Variants in SLC26A7 observed in about 807,000 individuals in gnomAD.
SLC26A7 encodes the protein solute carrier family 26 member 7, also known as anion exchange transporter.
Under a neutral mutation model 82.5 loss-of-function variants are expected in SLC26A7, and 59 were observed. That is an observed-to-expected ratio of 0.72 (90% CI 0.58 to 0.89). The LOEUF is 0.89. Among genes scored for constraint, SLC26A7 ranks in the 40% least tolerant of loss-of-function variants. The pLI, the probability that SLC26A7 is intolerant of heterozygous loss-of-function variation, is 0.00. For synonymous variants in SLC26A7, 271 were observed against 274.3 expected (o/e 0.99, Z 0.12); for missense variants, 820 against 793.0 (o/e 1.03, Z -0.41).
At chr8:91,275,688 G>T (rs76923634) in intron 2 of SLC26A7, among the ~76,000 whole-genome samples, 1,801 of 152,258 alleles carry the variant, frequency 0.012, 31 homozygotes, top group African/African-American at 0.042. Context: ...CATAAACTTT[G>T]GGGGAATTGC....
intron 15 of SLC26A7, among the ~76,000 whole-genome samples, chr8:91,384,552 A>C (rs1171463060): frequency 6.6e-6 from 1 of 152,116 alleles, no homozygotes; most frequent in East Asian, 1.9e-4. Context: ...TCTGTCCATC[A>C]CACAAGGTCT....
At chr8:91,295,477 T>C in intron 3 of SLC26A7, 54 bp from the exon 4 acceptor site, 4 of 1,560,396 alleles carry the variant, frequency 2.6e-6, no homozygotes, top group Middle Eastern at 3.5e-4. Flanking sequence ...CAATTTTTAT[T>C]GAGCCTTTAA....
At position 91,395,487 on chromosome 8, in the gene SLC26A7, T is replaced by G. The variant is rs1808543631; in HGVS notation, c.*390T>G. The G allele has an allele frequency of 5.5e-6, 1 of 182,590 alleles. No homozygotes were observed. The highest frequency in any genetic ancestry group is 1.1e-5 in the Non-Finnish European group (1 of 89,082). 11.3% of individuals were successfully genotyped at this position (182,590 alleles called of 1,614,324 possible). ...CATTTACAAGCCATTTGTAAAATTT[T>G]AAGATAATCTGTAACTAATACATAA... is the stretch of plus-strand genomic sequence containing the variant. On this transcript the variant is annotated 3_prime_UTR_variant, in exon 19 of 19. Coordinates refer to ENST00000276609, the MANE Select transcript of SLC26A7 (RefSeq NM_052832.4).
intron 2 of SLC26A7, among the ~76,000 whole-genome samples, chr8:91,275,452 T>C (rs1811383048): frequency 6.6e-6 from 1 of 152,016 alleles, no homozygotes; most frequent in African/African-American, 2.4e-5. Context: ...GCATGCATCT[T>C]TCACTGATTT....
upstream of SLC26A7, among the ~76,000 whole-genome samples, chr8:91,247,076 G>A (rs1455729630): frequency 3.9e-5 from 6 of 152,138 alleles, no homozygotes; most frequent in South Asian, 2.1e-4. Context: ...GGTGGGAAGG[G>A]GAGCAGAGAA....
intron 2 of SLC26A7, 38 bp from the exon 3 acceptor site, chr8:91,289,097 GT>G: frequency 7.6e-7 from 1 of 1,315,998 alleles, no homozygotes; most frequent in Non-Finnish European, 1.1e-6. Context: ...GTGTCTTGGG[GT>G]TATAAGGTGG....
chr8:91,272,380 A>G (rs1479632281), intron 2 of SLC26A7, among the ~76,000 whole-genome samples: 1 of 152,214 alleles, frequency 6.6e-6, no homozygotes, highest in African/African-American at 2.4e-5. Flanking sequence ...TGCAATCTAA[A>G]TGGACCCCTG....
At chr8:91,390,097 C>T (rs1171260021) in intron 16 of SLC26A7, among the ~76,000 whole-genome samples, 1 of 150,740 alleles carries the variant, frequency 6.6e-6, no homozygotes, top group Non-Finnish European at 1.5e-5. Context: ...GATTTTTTTA[C>T]CTCCCCACCC....
intron 15 of SLC26A7, among the ~76,000 whole-genome samples, chr8:91,382,085 T>C (rs1228118165): frequency 6.6e-6 from 1 of 152,158 alleles, no homozygotes; most frequent in African/African-American, 2.4e-5. Flanking sequence ...AGCCTCAGAA[T>C]CCTCTCAACA....
chr8:91,222,210 G>A (rs532454988), intron 2 of SLC26A7, among the ~76,000 whole-genome samples: 1 of 152,198 alleles, frequency 6.6e-6, no homozygotes, highest in African/African-American at 2.4e-5. Flanking sequence ...TGTGATTTTT[G>A]CACATTGATT....
intron 2 of SLC26A7, among the ~76,000 whole-genome samples, chr8:91,255,441 C>G (rs1223326610): frequency 6.6e-6 from 1 of 152,106 alleles, no homozygotes; most frequent in Non-Finnish European, 1.5e-5. Context: ...GGGAATGTTT[C>G]CCTGCATGGT....
rs1053992516 is a variant in SLC26A7 at position 91,271,746 on chromosome 8, C to A, written c.194-17390C>A. Among the ~76,000 whole-genome samples the A allele has an allele frequency of 2.6e-5, 4 of 152,194 alleles. No homozygotes were observed. In the East Asian group the frequency reaches 7.7e-4, roughly 29 times the overall value. ...AGTAGCTGGGACTACAGGCGCCTGC[C>A]ACCATGCCCGGCTAATTTTTTGTAT... On this transcript the variant is annotated intron_variant, in intron 2 of 18. Coordinates refer to ENST00000276609, the MANE Select transcript of SLC26A7 (RefSeq NM_052832.4).
intron 15 of SLC26A7, among the ~76,000 whole-genome samples, chr8:91,376,364 T>C (rs534207496): frequency 1.3e-4 from 20 of 152,344 alleles, no homozygotes; most frequent in African/African-American, 2.4e-4. Flanking sequence ...TATTTTTGAA[T>C]TTTATATAAT....
At chr8:91,220,578 A>G (rs1810144627) in intron 2 of SLC26A7, among the ~76,000 whole-genome samples, 1 of 151,826 alleles carries the variant, frequency 6.6e-6, no homozygotes, top group African/African-American at 2.4e-5. Context: ...TTCAACTCCC[A>G]CTTATGAGTG....
intron 2 of SLC26A7, among the ~76,000 whole-genome samples, chr8:91,250,498 G>A (rs1810629157): frequency 6.6e-6 from 1 of 152,078 alleles, no homozygotes. Flanking sequence ...GATTTAGATA[G>A]GTGTTTCTAT....
At chr8:91,392,195 C>A (rs1808422756) in intron 16 of SLC26A7, among the ~76,000 whole-genome samples, 1 of 152,130 alleles carries the variant, frequency 6.6e-6, no homozygotes, top group African/African-American at 2.4e-5. Context: ...AGTTTTGTAT[C>A]AGTTTGCCCT....
At chr8:91,264,678 T>TA (rs760503547) in intron 2 of SLC26A7, among the ~76,000 whole-genome samples, 5 of 152,042 alleles carry the variant, frequency 3.3e-5, no homozygotes, top group Non-Finnish European at 7.4e-5. Flanking sequence ...ATTGCTTCTT[T>TA]AAGAGTGTTT....
At chr8:91,234,728 C>G (rs1472460584) in intron 2 of SLC26A7, among the ~76,000 whole-genome samples, 2 of 151,914 alleles carry the variant, frequency 1.3e-5, no homozygotes, top group African/African-American at 4.8e-5. Context: ...GTCATTGTTG[C>G]AAAACAGTCA....
At chr8:91,225,760 G>A (rs994448593) in intron 2 of SLC26A7, among the ~76,000 whole-genome samples, 1 of 143,404 alleles carries the variant, frequency 7.0e-6, no homozygotes, top group Admixed American at 7.3e-5. Flanking sequence ...TCTATCTCAG[G>A]TGACACAAAA....
Sources: gnomAD v4.1 joint callset for allele counts (sites outside exome capture counted in the v4.1 genomes callset) on GRCh38, gnomAD v4.1.1 for gene constraint, MANE v1.5 for transcripts, NCBI Gene and HGNC (gene_info 2026-07-23, HGNC 2026-07-21) for gene names.